DAB2IP: variants seen among roughly 807,000 people sequenced by gnomAD.
DAB2IP encodes the protein disabled homolog 2-interacting protein.
A neutral mutation model predicts 107.2 loss-of-function variants in DAB2IP; 28 were observed. The observed-to-expected ratio is 0.26, with a 90% CI of 0.19 to 0.36. The LOEUF is 0.36. Among genes scored for constraint, DAB2IP ranks in the 10% least tolerant of loss-of-function variants. The probability of loss-of-function intolerance (pLI) is 1.00; values close to 1 mark genes in which losing one functional copy is unlikely to be tolerated. For missense variants in DAB2IP, 1,400 were observed against 1,644.7 expected (o/e 0.85, Z 2.57); for synonymous variants, 755 against 706.4 (o/e 1.07, Z -1.09).
intron 13 of DAB2IP, among the ~76,000 whole-genome samples, chr9:121,775,042 C>T (rs1327361693): frequency 6.6e-6 from 1 of 152,234 alleles, no homozygotes; most frequent in Non-Finnish European, 1.5e-5. Flanking sequence ...ACACACTCTG[C>T]CATCTGCTGG....
chr9:121,750,810 A>T (rs1833064631), intron 3 of DAB2IP, among the ~76,000 whole-genome samples: 1 of 152,216 alleles, frequency 6.6e-6, no homozygotes, highest in African/African-American at 2.4e-5. Context: ...AAAGGATCAG[A>T]GTTGAAAAAC....
At chr9:121,720,539 G>A (rs911682015) in intron 3 of DAB2IP, among the ~76,000 whole-genome samples, 1 of 152,196 alleles carries the variant, frequency 6.6e-6, no homozygotes, top group African/African-American at 2.4e-5. Context: ...GAAGAGGAGG[G>A]CTGTAGCCTC....
intron 3 of DAB2IP, among the ~76,000 whole-genome samples, chr9:121,734,033 A>T (rs970508857): frequency 2.6e-5 from 4 of 152,232 alleles, no homozygotes; most frequent in African/African-American, 9.6e-5. Flanking sequence ...TCCCCCAGCT[A>T]CACGTGGCCA....
intron 1 of DAB2IP, among the ~76,000 whole-genome samples, chr9:121,642,023 C>CTT (rs1292009458): frequency 2.9e-3 from 99 of 34,166 alleles, no homozygotes; most frequent in South Asian, 7.8e-3. Flanking sequence ...CTCTCTCTCT[C>CTT]TCTCTCTCTT....
chr9:121,696,115 C>T (rs1366526922), intron 2 of DAB2IP, among the ~76,000 whole-genome samples: 7 of 152,198 alleles, frequency 4.6e-5, no homozygotes, highest in South Asian at 2.1e-4. Flanking sequence ...GTGATCCACC[C>T]GCCTCAGCCT....
intron 1 of DAB2IP, among the ~76,000 whole-genome samples, chr9:121,590,541 G>A (rs891949406): frequency 6.6e-6 from 1 of 152,088 alleles, no homozygotes; most frequent in South Asian, 2.1e-4. Context: ...CTTAAAATCT[G>A]AGCCTCAGTT....
At chr9:121,641,390 T>A (rs185060430) in intron 1 of DAB2IP, among the ~76,000 whole-genome samples, 3 of 152,322 alleles carry the variant, frequency 2.0e-5, no homozygotes, top group Non-Finnish European at 2.9e-5. Context: ...GAACCGTGGC[T>A]CTGGCAGTGC....
At chr9:121,651,176 A>C (rs78662805), upstream of DAB2IP, among the ~76,000 whole-genome samples, 7,942 of 152,264 alleles carry the variant, frequency 0.052, 411 homozygotes, top group East Asian at 0.18. The surrounding 1 kb of genome is among the most constrained non-coding windows in gnomAD (Gnocchi z 5.1). Flanking sequence ...AAACGTAAAG[A>C]AGAGGCAAGT....
At chr9:121,696,586 G>A (rs1301751845) in intron 2 of DAB2IP, among the ~76,000 whole-genome samples, 1 of 152,104 alleles carries the variant, frequency 6.6e-6, no homozygotes, top group Non-Finnish European at 1.5e-5. Context: ...CCCCATGAAG[G>A]AGAGCAACAA....
At chr9:121,713,925 C>T (rs751586039) in intron 3 of DAB2IP, among the ~76,000 whole-genome samples, 3 of 152,208 alleles carry the variant, frequency 2.0e-5, no homozygotes, top group South Asian at 2.1e-4. Context: ...CCAGATCCGA[C>T]GCCCTGACTT....
In DAB2IP at chr9:121,597,931, T is replaced by C. The variant is rs116694509; in HGVS notation, c.40+30703T>C. Among the ~76,000 whole-genome samples the C allele has an allele frequency of 3.7e-3, 562 of 152,274 alleles. 3 individuals carry two copies. Among genetic ancestry groups the C allele is most frequent in the African/African-American group, 0.013 (539 of 41,552 alleles). On this transcript the variant is annotated intron_variant, in intron 1 of 16. Coordinates refer to the DAB2IP transcript ENST00000259371. ...GAGTGATGACCGTGCCAGCTTCTGG[T>C]GGGTGCTGGGGCTGAGACCCCATTT...
chr9:121,709,480 C>T (rs965673238), intron 3 of DAB2IP, among the ~76,000 whole-genome samples: 11 of 152,164 alleles, frequency 7.2e-5, no homozygotes, highest in South Asian at 2.1e-4. Flanking sequence ...TTGAAGGATA[C>T]GTGCTATTAC....
At chr9:121,725,918 G>A (rs1020154588) in intron 3 of DAB2IP, among the ~76,000 whole-genome samples, 2 of 152,218 alleles carry the variant, frequency 1.3e-5, no homozygotes, top group African/African-American at 4.8e-5. Context: ...GATTTTAGAA[G>A]CAAGTCCTTG....
Position 121,699,546 on chromosome 9 carries a change from G to C in DAB2IP, c.362+88G>C, listed in dbSNP as rs1401447480. The C allele has an allele frequency of 5.1e-5, 57 of 1,120,378 alleles. No individual in the cohort carries two copies. The highest frequency in any genetic ancestry group is 5.8e-5 in the Non-Finnish European group (53 of 909,928). The allele number at this position is 1,120,378 out of a possible 1,614,324, so 69.4% of individuals were successfully genotyped here. ...CGGGGACAAAGCGCGAGCCCGGCCCGGGGCGAGCCACACGGCGGTGGGGGG... is the reference window on the plus strand; with the variant it reads ...CGGGGACAAAGCGCGAGCCCGGCCCCGGGCGAGCCACACGGCGGTGGGGGG... On this transcript the variant is annotated intron_variant, in intron 3 of 15. Transcript: ENST00000408936. The surrounding 1 kb of genome is among the most constrained non-coding windows in gnomAD (Gnocchi z 6.2).
chr9:121,605,703 A>C (rs936341154), intron 1 of DAB2IP, among the ~76,000 whole-genome samples: 2 of 152,048 alleles, frequency 1.3e-5, no homozygotes, highest in Non-Finnish European at 2.9e-5. Flanking sequence ...ATGAGGTCTC[A>C]CTATATTGCG....
At chr9:121,616,712 G>A (rs986394039) in intron 1 of DAB2IP, among the ~76,000 whole-genome samples, 3 of 152,178 alleles carry the variant, frequency 2.0e-5, no homozygotes, top group Non-Finnish European at 4.4e-5. Context: ...ATCACTCTTC[G>A]CCACAGGCAG....
chr9:121,568,345 C>T (rs1829855569), intron 1 of DAB2IP, among the ~76,000 whole-genome samples: 1 of 152,144 alleles, frequency 6.6e-6, no homozygotes. Context: ...GACCTGGCAT[C>T]TTTGGGCCCA....
intron 11 of DAB2IP, 42 bp downstream of exon 11, chr9:121,770,766 C>A: frequency 1.2e-6 from 2 of 1,602,438 alleles, no homozygotes; most frequent in Non-Finnish European, 1.7e-6. Flanking sequence ...GGTGCGTGTG[C>A]AGACTAGGCA....
At chr9:121,649,614 TC>T, upstream of DAB2IP, among the ~76,000 whole-genome samples, 1 of 152,242 alleles carries the variant, frequency 6.6e-6, no homozygotes, top group South Asian at 2.1e-4. Context: ...GAGTAGGACT[TC>T]CTGGGAGTCC....
Sources: allele counts gnomAD v4.1 joint callset (sites outside exome capture counted in the v4.1 genomes callset), GRCh38; gene constraint gnomAD v4.1.1; non-coding constraint Gnocchi (gnomAD v3.1); transcripts MANE v1.5; gene names NCBI Gene and HGNC (gene_info 2026-07-23, HGNC 2026-07-21).